AGO2: variants seen among roughly 807,000 people sequenced by gnomAD.
AGO2 encodes protein argonaute-2.
Under a neutral mutation model 102.3 loss-of-function variants are expected in AGO2, and 5 were observed. The observed-to-expected ratio is 0.05, with a 90% CI of 0.03 to 0.10. The LOEUF (loss-of-function observed/expected upper bound fraction) is 0.10. Among genes scored for constraint, AGO2 ranks in the 10% least tolerant of loss-of-function variants. The pLI is 1.00. For synonymous variants in AGO2, 449 were observed against 473.1 expected (o/e 0.95, Z 0.66); for missense variants, 541 against 1,183.7 (o/e 0.46, Z 7.97).
intron 10 of AGO2, among the ~76,000 whole-genome samples, chr8:140,554,922 C>T (rs935107811): frequency 2.6e-5 from 4 of 152,104 alleles, no homozygotes; most frequent in Non-Finnish European, 4.4e-5. Context: ...GCGATCCACC[C>T]GTCTCAGCCT....
chr8:140,533,671 G>A (rs1409975909), intron 17 of AGO2, among the ~76,000 whole-genome samples: 3 of 151,902 alleles, frequency 2.0e-5, no homozygotes, highest in Non-Finnish European at 4.4e-5. Flanking sequence ...GCCATGTGTG[G>A]TTGCGTACGC....
chr8:140,565,770 C>G (rs2977459), intron 3 of AGO2, among the ~76,000 whole-genome samples: 2 of 151,732 alleles, frequency 1.3e-5, no homozygotes, highest in African/African-American at 4.8e-5. Flanking sequence ...TAGTAGTTTA[C>G]GTTTTGGGGG....
chr8:140,583,541 G>C (rs886945503), intron 2 of AGO2, among the ~76,000 whole-genome samples: 1 of 152,068 alleles, frequency 6.6e-6, no homozygotes, highest in Non-Finnish European at 1.5e-5. Context: ...TGCTGAACAC[G>C]GCAGGCAATT....
chr8:140,574,617 A>C (rs2073437698), intron 2 of AGO2, among the ~76,000 whole-genome samples: 1 of 152,080 alleles, frequency 6.6e-6, no homozygotes, highest in Non-Finnish European at 1.5e-5. Flanking sequence ...GCCCTCGCAC[A>C]CTACGCCTGA....
intron 1 of AGO2, among the ~76,000 whole-genome samples, chr8:140,625,690 C>A (rs1053168932): frequency 3.9e-5 from 6 of 152,304 alleles, no homozygotes; most frequent in Middle Eastern, 3.4e-3. Flanking sequence ...CTCTACCATG[C>A]GCATCCCCGA....
intron 1 of AGO2, among the ~76,000 whole-genome samples, chr8:140,602,414 C>T (rs1328686703): frequency 1.3e-5 from 2 of 152,158 alleles, no homozygotes; most frequent in East Asian, 3.8e-4. Flanking sequence ...AGAATACTCC[C>T]ACATTTATCT....
At chr8:140,634,392 T>G (rs891238303) in intron 1 of AGO2, among the ~76,000 whole-genome samples, 2 of 152,084 alleles carry the variant, frequency 1.3e-5, no homozygotes, top group Non-Finnish European at 1.5e-5. Flanking sequence ...CGGGTAAACA[T>G]AAGCCCAGAG....
chr8:140,567,593 G>C lies in AGO2; in HGVS notation c.337-4959C>G, dbSNP rs565483535. On this transcript the variant is annotated intron_variant, in intron 3 of 18. Coordinates refer to ENST00000220592, the MANE Select transcript of AGO2 (RefSeq NM_012154.5). This position sits in a 1 kb window ranked among gnomAD's most constrained non-coding sequence, Gnocchi z 5.0. ...CAATTGTGTTGCAGCGCTACAATCT[G>C]GGAGTGGCCCAACTGCCATTTTCTG... Among the ~76,000 whole-genome samples the C allele has an allele frequency of 6.8e-4, 104 of 152,322 alleles. 1 individual carries two copies. The highest frequency in any genetic ancestry group is 1.4e-3 in the Non-Finnish European group (93 of 68,026).
intron 14 of AGO2, among the ~76,000 whole-genome samples, chr8:140,542,478 A>C (rs1297726440): frequency 2.0e-5 from 3 of 152,186 alleles, no homozygotes; most frequent in Non-Finnish European, 4.4e-5. Flanking sequence ...TGGTATAAAC[A>C]GAAATACATT....
rs1224870621 is a variant in AGO2 at position 140,560,463 on chromosome 8, G to C, written c.566C>G (p.Ser189Cys). The C allele has an allele frequency of 1.9e-6, 3 of 1,614,254 alleles. No individual in the cohort carries two copies. The highest frequency in any genetic ancestry group is 2.2e-5 in the South Asian group (2 of 91,082). Residue 189 changes from serine (S) to cysteine (C), a missense_variant, in exon 5 of 19, where the codon TCT becomes TGT. Ser to Cys is a moderately radical substitution (Grantham distance 112, BLOSUM62 -1). This residue lies in a region of AGO2 where 26 missense variants were observed against 52.0 expected (regional missense o/e 0.50). Transcript: ENST00000220592. ...TTCTCGGCCCCCGCCAAGAGGGTTA[G>C]AGCAGCCTTCGGACGCGGTGAAGAA... ...RSFFTASEGC[S>C]NPLGGGREVW... is the part of the protein sequence containing the mutation.
chr8:140,595,610 T>C (rs1040359892), intron 1 of AGO2, among the ~76,000 whole-genome samples: 1 of 43,718 alleles, frequency 2.3e-5, no homozygotes, highest in African/African-American at 7.3e-5. Flanking sequence ...CCAGGCTATA[T>C]ATATAATATA....
chr8:140,600,399 G>T (rs2073914744), intron 1 of AGO2, among the ~76,000 whole-genome samples: 1 of 152,236 alleles, frequency 6.6e-6, no homozygotes, highest in South Asian at 2.1e-4. Context: ...CCAAAACACA[G>T]GCCGGGCGCG....
intron 3 of AGO2, among the ~76,000 whole-genome samples, chr8:140,568,121 A>G (rs1320378213): frequency 2.1e-3 from 273 of 129,026 alleles, no homozygotes; most frequent in African/African-American, 6.4e-3. Context: ...AAAAAAAAAA[A>G]AAAGAAAAGA....
At chr8:140,543,275 C>T (rs1262531825) in intron 14 of AGO2, among the ~76,000 whole-genome samples, 2 of 152,124 alleles carry the variant, frequency 1.3e-5, no homozygotes, top group Non-Finnish European at 2.9e-5. Context: ...ATTATCGGGC[C>T]AAGTGGCAAG....
At chr8:140,568,741 C>T (rs1332979657) in intron 3 of AGO2, among the ~76,000 whole-genome samples, 1 of 152,228 alleles carries the variant, frequency 6.6e-6, no homozygotes, top group Non-Finnish European at 1.5e-5. Context: ...AAACCAGTCC[C>T]ACCCATCATG....
chr8:140,542,390 C>T (rs1041527722), intron 14 of AGO2, among the ~76,000 whole-genome samples: 4 of 152,328 alleles, frequency 2.6e-5, no homozygotes, highest in Middle Eastern at 3.4e-3. Context: ...CACTATTCCA[C>T]GTCCTTTGTC....
At chr8:140,627,926 C>T (rs966007642) in intron 1 of AGO2, among the ~76,000 whole-genome samples, 2 of 152,188 alleles carry the variant, frequency 1.3e-5, no homozygotes, top group Non-Finnish European at 2.9e-5. Context: ...CCCACTGTCT[C>T]GGGGCTGTCC....
chr8:140,599,980 C>G (rs1031525758), intron 1 of AGO2, among the ~76,000 whole-genome samples: 19 of 152,186 alleles, frequency 1.2e-4, no homozygotes, highest in African/African-American at 4.6e-4. Context: ...TCTCAGCCTC[C>G]CAAAGTGCTG....
intron 6 of AGO2, 83 bp downstream of exon 6, chr8:140,559,312 C>T: frequency 6.4e-7 from 1 of 1,552,326 alleles, no homozygotes; most frequent in Non-Finnish European, 8.8e-7. Context: ...GCACAAGAAC[C>T]AGAACTGCAA....
Sources: allele counts gnomAD v4.1 joint callset (sites outside exome capture counted in the v4.1 genomes callset), GRCh38; gene constraint gnomAD v4.1.1; regional missense constraint gnomAD v4.1.1; non-coding constraint Gnocchi (gnomAD v3.1); transcripts MANE v1.5; gene names NCBI Gene and HGNC (gene_info 2026-07-23, HGNC 2026-07-21).